PDE2A: variants seen among roughly 807,000 people sequenced by gnomAD.
PDE2A encodes the protein phosphodiesterase 2A.
Under a neutral mutation model 133.6 loss-of-function variants are expected in PDE2A, and 53 were observed. The observed-to-expected ratio is 0.40, with a 90% CI of 0.32 to 0.50. The LOEUF (loss-of-function observed/expected upper bound fraction) is 0.50, where lower values mean the gene tolerates loss of function less well. Ranked by LOEUF, PDE2A falls within the 20% of genes least tolerant of loss-of-function variation. The probability of loss-of-function intolerance (pLI) is 0.73; values close to 1 mark genes in which losing one functional copy is unlikely to be tolerated. For synonymous variants in PDE2A, 491 were observed against 490.2 expected (o/e 1.00, Z -0.02); for missense variants, 796 against 1,232.4 (o/e 0.65, Z 5.30).
chr11:72,627,372 G>A (rs1858133595), intron 2 of PDE2A, among the ~76,000 whole-genome samples: 1 of 152,214 alleles, frequency 6.6e-6, no homozygotes, highest in South Asian at 2.1e-4. Flanking sequence ...AGGGAAGGGA[G>A]GAGACTGGCT....
rs775189024 is a variant in PDE2A at position 72,620,388 on chromosome 11, A to G, written c.145-11637T>C. ...AGAGCTGGGATGCAGAGCTAGGCCA[A>G]CTGGGGCCTCTGAGACTCCCCAGTT... is the stretch of plus-strand genomic sequence containing the variant. On this transcript the variant is annotated intron_variant, in intron 2 of 30. Transcript: ENST00000334456. Among the ~76,000 whole-genome samples the G allele has an allele frequency of 1.2e-3, 176 of 152,220 alleles. 3 individuals are homozygous for G. The highest frequency in any genetic ancestry group is 1.3e-3 in the Non-Finnish European group (86 of 67,992).
chr11:72,610,107 G>A (rs1430663091), intron 2 of PDE2A, among the ~76,000 whole-genome samples: 1 of 152,148 alleles, frequency 6.6e-6, no homozygotes, highest in East Asian at 1.9e-4. Flanking sequence ...TTTTGCATGT[G>A]ACTAAGACTG....
chr11:72,614,102 C>A (rs1404885032), intron 2 of PDE2A, among the ~76,000 whole-genome samples: 1 of 152,222 alleles, frequency 6.6e-6, no homozygotes, highest in Non-Finnish European at 1.5e-5. Flanking sequence ...CCTTACAGCA[C>A]CCCCAGCCTG....
At chr11:72,634,908 G>A (rs1858604251) in intron 2 of PDE2A, among the ~76,000 whole-genome samples, 1 of 152,236 alleles carries the variant, frequency 6.6e-6, no homozygotes, top group African/African-American at 2.4e-5. Context: ...TTTGGACGCG[G>A]GGCCCTCGAA....
At chr11:72,634,858 G>A (rs1858600829) in intron 2 of PDE2A, among the ~76,000 whole-genome samples, 2 of 152,246 alleles carry the variant, frequency 1.3e-5, no homozygotes, top group Admixed American at 1.3e-4. Flanking sequence ...GTGCTGATGG[G>A]ACCCCACTGG....
intron 22 of PDE2A, 26 bp from the exon 23 acceptor site, chr11:72,581,505 G>T (rs1268395052): frequency 6.4e-7 from 1 of 1,572,430 alleles, no homozygotes; most frequent in South Asian, 1.2e-5. Context: ...GGGCAGAAGA[G>T]GGGCCTCAGC....
chr11:72,599,765 TGAGGGCTGAGATGAGCA>T (rs1301626917), intron 4 of PDE2A, among the ~76,000 whole-genome samples: 1 of 152,196 alleles, frequency 6.6e-6, no homozygotes, highest in Non-Finnish European at 1.5e-5. Flanking sequence ...GGTTCAGTGC[TGAGGGCTGAGATGAGCA>T]GAGGGGTCAG....
chr11:72,645,430 G>A (rs756893033), intron 1 of PDE2A, among the ~76,000 whole-genome samples: 1 of 152,208 alleles, frequency 6.6e-6, no homozygotes, highest in East Asian at 1.9e-4. Context: ...GGCTCCTTGA[G>A]TTGGCACATT....
Position 72,578,863 on chromosome 11 carries a change from C to A in PDE2A, c.2469+34G>T, listed in dbSNP as rs1389769971. The A allele has an allele frequency of 7.4e-7, 1 of 1,356,030 alleles. No individual in the cohort carries two copies. The highest frequency in any genetic ancestry group is 1.4e-5 in the African/African-American group (1 of 69,932). The allele number at this position is 1,356,030 out of a possible 1,614,324, so 84.0% of individuals were successfully genotyped here. On this transcript the variant is annotated intron_variant, in intron 28 of 30. Transcript: ENST00000334456. The surrounding 1 kb of genome is among the most constrained non-coding windows in gnomAD (Gnocchi z 4.2). ...GGCACCCAAAGCTGGGCAGGGTGGG[C>A]AGCCTGTGCCTTCCCAGGGAGGACT...
chr11:72,594,137 A>G (rs192230788), intron 6 of PDE2A, among the ~76,000 whole-genome samples: 1 of 152,302 alleles, frequency 6.6e-6, no homozygotes, highest in East Asian at 1.9e-4. Flanking sequence ...CTAGCACTCC[A>G]TGCCTGACAT....
chr11:72,583,694 C>CG, intron 19 of PDE2A, 179 bp from the exon 20 acceptor site: 1 of 597,914 alleles, frequency 1.7e-6, no homozygotes, highest in Non-Finnish European at 3.0e-6. Flanking sequence ...ATCCAGACCC[C>CG]GCGCCGGTTC....
intron 2 of PDE2A, among the ~76,000 whole-genome samples, chr11:72,631,823 C>A (rs1858401896): frequency 6.6e-6 from 1 of 152,236 alleles, no homozygotes; most frequent in Non-Finnish European, 1.5e-5. Context: ...ATTCCAAACC[C>A]CCAGCCTCTC....
rs575897406 is a variant in PDE2A at position 72,597,142 on chromosome 11, A to G, written c.433+368T>C. On this transcript the variant is annotated intron_variant, in intron 5 of 30. Transcript: ENST00000334456. The surrounding 1 kb of genome is among the most constrained non-coding windows in gnomAD (Gnocchi z 4.6). ...AAGAGAAATAGGGCCAATGACAGTG[A>G]CAGAGAGAATGTGAGAACAACTACA... Among the ~76,000 whole-genome samples, 16 of 152,296 alleles carry G rather than the reference A, an allele frequency of 1.1e-4. No homozygotes were observed. The highest frequency in any genetic ancestry group is 3.6e-4 in the African/African-American group (15 of 41,566).
chr11:72,651,262 G>A (rs1310326734), intron 1 of PDE2A, among the ~76,000 whole-genome samples: 1 of 152,158 alleles, frequency 6.6e-6, no homozygotes, highest in African/African-American at 2.4e-5. Context: ...AGGACTCTAA[G>A]ACTCCAGCAC....
Position 72,597,090 on chromosome 11 carries a change from C to T in PDE2A, c.433+420G>A, listed in dbSNP as rs1440264164. ...AGACACGAGGCAGAGAGGGACATGG[C>T]GGACAGGAGGCATGGAGGAGAAGAA... On this transcript the variant is annotated intron_variant, in intron 5 of 30. Transcript: ENST00000334456. The surrounding 1 kb of genome is among the most constrained non-coding windows in gnomAD (Gnocchi z 4.6). Among the ~76,000 whole-genome samples, 1 of 151,934 alleles carries T rather than the reference C, an allele frequency of 6.6e-6. No individual in the cohort carries two copies. The highest frequency in any genetic ancestry group is 1.5e-5 in the Non-Finnish European group (1 of 67,990).
rs1385397283 is a variant in PDE2A at position 72,578,550 on chromosome 11, A to G, written c.2470-36T>C. On this transcript the variant is annotated intron_variant, in intron 28 of 30. Transcript: ENST00000334456. This position sits in a 1 kb window ranked among gnomAD's most constrained non-coding sequence, Gnocchi z 4.2. The stretch of plus-strand genomic sequence containing the variant: ...AACACTCTCATCACATCCTCTATGT[A>G]GGATACATCCACCCAAGCTCCTCTG... 3.2e-6 allele frequency: 5 copies of G among 1,567,026 alleles called. No individual in the cohort carries two copies. The East Asian group carries it at 6.7e-5, about 21-fold the overall frequency.
At chr11:72,648,595 T>C (rs1037652159) in intron 1 of PDE2A, among the ~76,000 whole-genome samples, 5 of 152,144 alleles carry the variant, frequency 3.3e-5, no homozygotes, top group Non-Finnish European at 5.9e-5. Context: ...CTGCAGCAGA[T>C]GGCTGGCCCC....
rs758964461 is a variant in PDE2A at position 72,586,126 on chromosome 11, C to T, written c.1126G>A (p.Val376Met). The T allele has an allele frequency of 1.9e-6, 3 of 1,613,094 alleles. No homozygotes were observed. The highest frequency in any genetic ancestry group is 2.2e-5 in the East Asian group (1 of 44,866). ...TGGAAGGCCAGGGTGCTGGTGAGCACGGTGCTGGTGTAGTGGAAGCAGTGC... is the reference window on the plus strand; with the variant it reads ...TGGAAGGCCAGGGTGCTGGTGAGCATGGTGCTGGTGTAGTGGAAGCAGTGC... Reference protein sequence around the residue: ...IQHCFHYTSTVLTSTLAFQKE... With the variant: ...IQHCFHYTSTMLTSTLAFQKE... The change falls in exon 14 of 31, where the codon GTG (valine) becomes ATG (methionine). Residue 376 changes from valine to methionine, a missense_variant. Physicochemically the swap from Val to Met is conservative, Grantham distance 21 (BLOSUM62 1). Transcript: ENST00000334456.
chr11:72,580,417 C>G (rs1855668589), intron 25 of PDE2A, among the ~76,000 whole-genome samples, 160 bp downstream of exon 25: 1 of 152,172 alleles, frequency 6.6e-6, no homozygotes, highest in South Asian at 2.1e-4. Flanking sequence ...CCCTTCCAAG[C>G]CCACTCCAGG....
Sources: gnomAD v4.1 joint callset for allele counts (sites outside exome capture counted in the v4.1 genomes callset) on GRCh38, gnomAD v4.1.1 for gene constraint, Gnocchi (gnomAD v3.1) non-coding constraint, MANE v1.5 for transcripts, NCBI Gene and HGNC (gene_info 2026-07-23, HGNC 2026-07-21) for gene names.